The following KCNIP1 variants were observed in gnomAD, a reference collection of about 807,000 sequenced individuals.
KCNIP1 encodes the protein A-type potassium channel modulatory protein KCNIP1.
A neutral mutation model predicts 33.0 loss-of-function variants in KCNIP1; 18 were observed. The ratio of observed to expected loss-of-function variants is 0.55; its 90% confidence interval spans 0.38 to 0.81. The LOEUF is 0.81. Among genes scored for constraint, KCNIP1 ranks in the 30% least tolerant of loss-of-function variants. The probability of loss-of-function intolerance (pLI) is 0.00; values close to 1 mark genes in which losing one functional copy is unlikely to be tolerated. For synonymous variants in KCNIP1, 93 were observed against 98.3 expected (o/e 0.95, Z 0.32); for missense variants, 238 against 271.6 (o/e 0.88, Z 0.87).
At chr5:170,391,397 C>T (rs572161661) in intron 1 of KCNIP1, among the ~76,000 whole-genome samples, 36 of 152,244 alleles carry the variant, frequency 2.4e-4, no homozygotes, top group Non-Finnish European at 4.0e-4. Flanking sequence ...GAAGGGGGGC[C>T]GTGGGGTCTT....
At chr5:170,532,415 A>G (rs549750784) in intron 1 of KCNIP1, among the ~76,000 whole-genome samples, 13 of 152,206 alleles carry the variant, frequency 8.5e-5, no homozygotes, top group African/African-American at 2.6e-4. Flanking sequence ...ATCCATTGAC[A>G]TGTCCTCGAC....
At chr5:170,719,568 G>T (rs1221693445) in intron 2 of KCNIP1, among the ~76,000 whole-genome samples, 1 of 152,124 alleles carries the variant, frequency 6.6e-6, no homozygotes, top group African/African-American at 2.4e-5. Context: ...GGAGTGGGGT[G>T]GGCTACAGCG....
chr5:170,392,675 T>G (rs1384747069), intron 1 of KCNIP1, among the ~76,000 whole-genome samples: 1 of 152,102 alleles, frequency 6.6e-6, no homozygotes, highest in East Asian at 1.9e-4. Context: ...ATACAAAAAT[T>G]AGCTGGGCAC....
intron 1 of KCNIP1, among the ~76,000 whole-genome samples, chr5:170,699,556 GA>G (rs35103942): frequency 1.3e-3 from 142 of 111,968 alleles, no homozygotes; most frequent in Non-Finnish European, 1.8e-3. Flanking sequence ...ATTGCTCTGT[GA>G]AAAAAAAAAA....
chr5:170,728,007 GA>G (rs2113887920), intron 5 of KCNIP1, among the ~76,000 whole-genome samples: 1 of 152,240 alleles, frequency 6.6e-6, no homozygotes, highest in Admixed American at 6.5e-5. Flanking sequence ...AGGAATGCAG[GA>G]ATAGCCCAGT....
chr5:170,476,507 T>C (rs1756860713), intron 1 of KCNIP1, among the ~76,000 whole-genome samples: 1 of 152,218 alleles, frequency 6.6e-6, no homozygotes. Flanking sequence ...AAAAGCACAC[T>C]GTTGATAAAC....
chr5:170,372,870 C>G (rs1273141968), intron 1 of KCNIP1, among the ~76,000 whole-genome samples: 1 of 152,092 alleles, frequency 6.6e-6, no homozygotes, highest in Admixed American at 6.5e-5. Context: ...CCTCTCAAGC[C>G]CCTGCTTTTG....
At chr5:170,699,555 T>TCAAA (rs1561771758) in intron 1 of KCNIP1, among the ~76,000 whole-genome samples, 1 of 118,204 alleles carries the variant, frequency 8.5e-6, no homozygotes, top group Non-Finnish European at 1.7e-5. Context: ...AATTGCTCTG[T>TCAAA]GAAAAAAAAA....
Position 170,504,771 on chromosome 5 carries a change from G to A in KCNIP1, c.61+138G>A. 1 of 734,122 alleles carries A rather than the reference G, an allele frequency of 1.4e-6. No individual in the cohort carries two copies. Among genetic ancestry groups the A allele is most frequent in the South Asian group, 1.7e-5 (1 of 59,852 alleles). The allele number at this position is 734,122 out of a possible 1,614,324, so 45.5% of individuals were successfully genotyped here. On this transcript the variant is annotated intron_variant, in intron 1 of 7. Coordinates refer to ENST00000328939, the MANE Select transcript of KCNIP1 (RefSeq NM_014592.4). This position sits in a 1 kb window ranked among gnomAD's most constrained non-coding sequence, Gnocchi z 6.0. ...CGGACAGGTGCTTGTATCCAAAGGAGAGAGAAATCGGCGGGAGGGCTGGTG... is the reference window on the plus strand; with the variant it reads ...CGGACAGGTGCTTGTATCCAAAGGAAAGAGAAATCGGCGGGAGGGCTGGTG...
intron 1 of KCNIP1, among the ~76,000 whole-genome samples, chr5:170,419,428 C>G (rs988838562): frequency 6.6e-6 from 1 of 152,122 alleles, no homozygotes; most frequent in Admixed American, 6.5e-5. Flanking sequence ...TAGACTCTAC[C>G]CATGGAAGAA....
chr5:170,694,053 C>T (rs978840727), intron 1 of KCNIP1, among the ~76,000 whole-genome samples: 2 of 152,140 alleles, frequency 1.3e-5, no homozygotes, highest in Admixed American at 6.6e-5. Context: ...TGCCATTGCC[C>T]AAGAATGGGG....
chr5:170,695,143 G>T (rs1381045948), intron 1 of KCNIP1, among the ~76,000 whole-genome samples: 1 of 151,936 alleles, frequency 6.6e-6, no homozygotes, highest in African/African-American at 2.4e-5. Context: ...GTCACCTCCC[G>T]ATCCCCTTCT....
At chr5:170,587,236 A>G (rs1320745530) in intron 1 of KCNIP1, among the ~76,000 whole-genome samples, 1 of 152,088 alleles carries the variant, frequency 6.6e-6, no homozygotes, top group African/African-American at 2.4e-5. Context: ...AGCCTGGCCA[A>G]CATGGTGAAA....
chr5:170,660,287 C>A (rs1369267702), intron 1 of KCNIP1, among the ~76,000 whole-genome samples: 1 of 151,672 alleles, frequency 6.6e-6, no homozygotes, highest in Non-Finnish European at 1.5e-5. Context: ...AATTGGAAGT[C>A]TTTGCCCTCA....
At chr5:170,710,252 C>T (rs1763400343) in intron 1 of KCNIP1, among the ~76,000 whole-genome samples, 1 of 152,202 alleles carries the variant, frequency 6.6e-6, no homozygotes, top group African/African-American at 2.4e-5. Flanking sequence ...ATCTCTTAAT[C>T]TGTGTCAAAC....
At chr5:170,474,768 T>C (rs1756814227) in intron 1 of KCNIP1, among the ~76,000 whole-genome samples, 1 of 152,156 alleles carries the variant, frequency 6.6e-6, no homozygotes, top group Non-Finnish European at 1.5e-5. Context: ...GTGGTCTCGC[T>C]GACTTCAAGA....
intron 1 of KCNIP1, among the ~76,000 whole-genome samples, chr5:170,518,173 A>G (rs929808007): frequency 2.0e-5 from 3 of 151,888 alleles, no homozygotes; most frequent in African/African-American, 7.3e-5. Flanking sequence ...TGGTGATTAT[A>G]TAGTGATGTA....
chr5:170,614,732 G>T (rs1417591139), intron 1 of KCNIP1, among the ~76,000 whole-genome samples: 4 of 152,168 alleles, frequency 2.6e-5, no homozygotes, highest in Non-Finnish European at 5.9e-5. Context: ...GCATTGTTTT[G>T]TCTCTTCCCA....
rs76362990 is a variant in KCNIP1 at position 170,536,449 on chromosome 5, T to C, written c.61+31816T>C. ...CCACCTTCCCCCAACAGCTGACCAT[T>C]TTCTGCCCAGGCTGTGGCCAGAACC... On this transcript the variant is annotated intron_variant, in intron 1 of 7. Coordinates refer to ENST00000328939, the MANE Select transcript of KCNIP1 (RefSeq NM_014592.4). Among the ~76,000 whole-genome samples the C allele has an allele frequency of 2.6e-5, 4 of 152,306 alleles. No individual in the cohort carries two copies. In the East Asian group the frequency reaches 7.7e-4, roughly 29 times the overall value.
Sources: allele counts gnomAD v4.1 joint callset (sites outside exome capture counted in the v4.1 genomes callset), GRCh38; gene constraint gnomAD v4.1.1; non-coding constraint Gnocchi (gnomAD v3.1); transcripts MANE v1.5; gene names NCBI Gene and HGNC (gene_info 2026-07-23, HGNC 2026-07-21).